The following GRIK1 variants were observed in gnomAD, a reference collection of about 807,000 sequenced individuals.
The protein encoded by GRIK1 is glutamate ionotropic receptor kainate type subunit 1.
In GRIK1, 69 loss-of-function variants were observed where a neutral mutation model predicts 105.7. That is an observed-to-expected ratio of 0.65 (90% CI 0.54 to 0.80). The LOEUF (loss-of-function observed/expected upper bound fraction) is 0.80. Among genes scored for constraint, GRIK1 ranks in the 30% least tolerant of loss-of-function variants. The pLI, the probability that GRIK1 is intolerant of heterozygous loss-of-function variation, is 0.00. For missense variants in GRIK1, 1,109 were observed against 1,167.3 expected (o/e 0.95, Z 0.73); for synonymous variants, 438 against 431.3 (o/e 1.02, Z -0.19).
intron 1 of GRIK1, among the ~76,000 whole-genome samples, chr21:29,929,507 T>C (rs1048806088): frequency 6.6e-6 from 1 of 152,216 alleles, no homozygotes; most frequent in African/African-American, 2.4e-5. Flanking sequence ...ATCCAAAGTA[T>C]GTAAAACCAT....
At chr21:29,721,234 T>G (rs1035085606) in intron 1 of GRIK1, among the ~76,000 whole-genome samples, 1 of 152,226 alleles carries the variant, frequency 6.6e-6, no homozygotes, top group East Asian at 1.9e-4. Context: ...GTTGTCAGTT[T>G]GTTTCATAGA....
chr21:29,779,215 C>G (rs557750357), intron 1 of GRIK1, among the ~76,000 whole-genome samples: 1 of 152,294 alleles, frequency 6.6e-6, no homozygotes, highest in East Asian at 1.9e-4. Context: ...CATTTTTGTA[C>G]TTTATCCTCA....
intron 1 of GRIK1, among the ~76,000 whole-genome samples, chr21:29,898,449 C>A (rs1239232959): frequency 6.6e-6 from 1 of 152,128 alleles, no homozygotes; most frequent in Non-Finnish European, 1.5e-5. Flanking sequence ...AGCCCTAATG[C>A]ATCCAGTAAG....
At position 29,654,813 on chromosome 21, in the gene GRIK1, G is replaced by C. The variant is rs1279029753; in HGVS notation, c.777C>G (p.Thr259=). The C allele has an allele frequency of 6.5e-6, 10 of 1,548,918 alleles. No individual in the cohort carries two copies. Among genetic ancestry groups the C allele is most frequent in the African/African-American group, 1.4e-5 (1 of 73,822 alleles). The change falls in exon 5 of 18, where the codon ACC becomes ACG. Residue 259 remains threonine (T), a synonymous_variant. Transcript: ENST00000327783. ...MTEYYHYFFT[T]LDLFALDLEL... ...CATTTCTCCCAGATGCACTTACCAG[G>C]GTTGTGAAAAAGTAGTGATAGTACT...
chr21:29,639,114 A>G (rs1049736710), intron 7 of GRIK1, among the ~76,000 whole-genome samples: 2 of 152,058 alleles, frequency 1.3e-5, no homozygotes, highest in Admixed American at 6.6e-5. Context: ...CCAGCTCCTG[A>G]CTCTGTCTTA....
intron 16 of GRIK1, among the ~76,000 whole-genome samples, chr21:29,541,573 G>GTTTTTTTTTTTTTTTTTTTT (rs1202014711): frequency 3.6e-5 from 3 of 83,734 alleles, no homozygotes; most frequent in Admixed American, 1.7e-4. Flanking sequence ...TGCACTCACG[G>GTTTTTTTTTTTTTTTTTTTT]TCTTTTTTTT....
chr21:29,631,553 A>T (rs1421610451), intron 7 of GRIK1, among the ~76,000 whole-genome samples: 1 of 152,170 alleles, frequency 6.6e-6, no homozygotes, highest in Non-Finnish European at 1.5e-5. Flanking sequence ...ACCCAGTCTA[A>T]AGGATTTTGT....
chr21:29,759,105 CTTTTCTTTTCT>C (rs1175656332), intron 1 of GRIK1: 16 of 151,870 alleles, frequency 1.1e-4, no homozygotes, highest in African/African-American at 3.9e-4. Flanking sequence ...CAGTTCCCTT[CTTTTCTTTTCT>C]TTTTCTTTTC....
At chr21:29,781,922 G>A (rs926984462) in intron 1 of GRIK1, among the ~76,000 whole-genome samples, 23 of 149,476 alleles carry the variant, frequency 1.5e-4, no homozygotes, top group African/African-American at 5.7e-4. Flanking sequence ...CACCCGCCTC[G>A]GCCTCCCAAA....
chr21:29,768,993 A>G (rs1601645986), intron 1 of GRIK1, among the ~76,000 whole-genome samples: 1 of 152,228 alleles, frequency 6.6e-6, no homozygotes, highest in Admixed American at 6.5e-5. Context: ...TTAAGCATAG[A>G]GGTAACAATC....
intron 1 of GRIK1, among the ~76,000 whole-genome samples, chr21:29,922,907 A>G (rs2146330301): frequency 6.6e-6 from 1 of 152,282 alleles, no homozygotes; most frequent in South Asian, 2.1e-4. Flanking sequence ...GGTGCATAAG[A>G]CCAGACTGCA....
chr21:29,554,207 A>C (rs1245799105), intron 16 of GRIK1, among the ~76,000 whole-genome samples: 2 of 152,216 alleles, frequency 1.3e-5, no homozygotes, highest in Non-Finnish European at 2.9e-5. Flanking sequence ...GGAGAGCATT[A>C]AACTGGCTCT....
At chr21:29,737,570 A>G (rs978574134) in intron 1 of GRIK1, among the ~76,000 whole-genome samples, 9 of 152,186 alleles carry the variant, frequency 5.9e-5, no homozygotes, top group African/African-American at 2.2e-4. Context: ...TCCATATCCA[A>G]ACCTTGGGAA....
At chr21:29,682,821 A>G (rs552016527) in intron 3 of GRIK1, among the ~76,000 whole-genome samples, 1 of 152,358 alleles carries the variant, frequency 6.6e-6, no homozygotes, top group Non-Finnish European at 1.5e-5. Flanking sequence ...ACAGCAAGAG[A>G]AATTATCAAC....
At chr21:29,578,864 T>C (rs2090954101) in intron 13 of GRIK1, among the ~76,000 whole-genome samples, 1 of 152,212 alleles carries the variant, frequency 6.6e-6, no homozygotes, top group Non-Finnish European at 1.5e-5. Context: ...TAGTTGGTTA[T>C]CATTAAAATA....
At chr21:29,715,975 C>G (rs1480609729) in intron 1 of GRIK1, among the ~76,000 whole-genome samples, 1 of 151,838 alleles carries the variant, frequency 6.6e-6, no homozygotes, top group East Asian at 1.9e-4. Flanking sequence ...TGGGAGGGAC[C>G]AGGTGGGAGA....
At chr21:29,606,018 C>CAAAAAAAA (rs34512911) in intron 7 of GRIK1, among the ~76,000 whole-genome samples, 1 of 127,988 alleles carries the variant, frequency 7.8e-6, no homozygotes. Context: ...GAAAATGAAG[C>CAAAAAAAA]AAAAAAAAAA....
intron 7 of GRIK1, among the ~76,000 whole-genome samples, chr21:29,609,294 T>TCAGAATTCA (rs1349983775): frequency 2.0e-5 from 3 of 152,112 alleles, no homozygotes; most frequent in Non-Finnish European, 2.9e-5. Context: ...CCCTGACCAC[T>TCAGAATTCA]CAGAATTCAC....
At chr21:29,553,687 A>G (rs373899929) in intron 16 of GRIK1, 3 of 1,583,214 alleles carry the variant, frequency 1.9e-6, no homozygotes, top group Admixed American at 1.9e-5. Flanking sequence ...ATTGCAGTCC[A>G]TAAAAGAAAC....
Sources: gnomAD v4.1 joint callset for allele counts (sites outside exome capture counted in the v4.1 genomes callset) on GRCh38, gnomAD v4.1.1 for gene constraint, MANE v1.5 for transcripts, NCBI Gene and HGNC (gene_info 2026-07-23, HGNC 2026-07-21) for gene names.